The following SLC67A1 variants were observed in gnomAD, a reference collection of about 807,000 sequenced individuals.
SLC67A1 encodes solute carrier family 67 member 1.
the SLC67A1 span, chr11:2,921,935 T>C: frequency 3.0e-6 from 2 of 656,054 alleles, no homozygotes; most frequent in African/African-American, 1.8e-5. Context: ...GCTGGCGGAG[T>C]AGGGAGAGAC....
chr11:2,915,840 A>G, the SLC67A1 span, among the ~76,000 whole-genome samples: 1 of 152,220 alleles, frequency 6.6e-6, no homozygotes, highest in African/African-American at 2.4e-5. Context: ...CAATGGTGAC[A>G]GTTGGAACAG....
the SLC67A1 span, among the ~76,000 whole-genome samples, chr11:2,913,881 A>G: frequency 6.6e-6 from 1 of 152,194 alleles, no homozygotes; most frequent in Admixed American, 6.5e-5. Flanking sequence ...AGACTTCAGC[A>G]GAGGTTCCTG....
At chr11:2,918,227 G>A in the SLC67A1 span, 1 of 687,790 alleles carries the variant, frequency 1.5e-6, no homozygotes, top group Non-Finnish European at 2.5e-6. Context: ...GGAGCGGGAG[G>A]AAGGCAGAAA....
chr11:2,912,754 C>G, the SLC67A1 span, among the ~76,000 whole-genome samples: 1 of 152,168 alleles, frequency 6.6e-6, no homozygotes, highest in African/African-American at 2.4e-5. Flanking sequence ...TGGGGGGTGG[C>G]TCTGTGACTC....
the SLC67A1 span, chr11:2,914,816 C>G: frequency 1.1e-5 from 11 of 985,300 alleles, no homozygotes; most frequent in African/African-American, 1.9e-4. Flanking sequence ...ACGCAGGCCT[C>G]TGAGGCCAGG....
chr11:2,903,482 T>A, the SLC67A1 span: 26 of 1,613,200 alleles, frequency 1.6e-5, no homozygotes, highest in Non-Finnish European at 1.9e-5. Flanking sequence ...CAGTTCTCCA[T>A]CGTGCCAGTG....
chr11:2,920,200 AG>A, the SLC67A1 span: 2 of 152,314 alleles, frequency 1.3e-5, no homozygotes, highest in African/African-American at 2.4e-5. Flanking sequence ...CTCTGGGCCC[AG>A]GACTAGACTA....
the SLC67A1 span, among the ~76,000 whole-genome samples, chr11:2,924,310 G>A: frequency 0.097 from 14,778 of 152,240 alleles, 794 homozygotes; most frequent in Middle Eastern, 0.11. This position sits in a 1 kb window ranked among gnomAD's most constrained non-coding sequence, Gnocchi z 8.6. Context: ...GAGGGGCCCT[G>A]CATGGGCTTC....
chr11:2,909,670 C>T, the SLC67A1 span: 2 of 1,541,394 alleles, frequency 1.3e-6, no homozygotes, highest in Admixed American at 3.9e-5. Flanking sequence ...CGGAGTCATC[C>T]TCGGCTCCCT....
At chr11:2,914,205 G>C in the SLC67A1 span, among the ~76,000 whole-genome samples, 6 of 152,212 alleles carry the variant, frequency 3.9e-5, no homozygotes, top group Non-Finnish European at 8.8e-5. Flanking sequence ...AGGAGACAAA[G>C]ACAAATTAAC....
chr11:2,903,957 C>A, the SLC67A1 span, among the ~76,000 whole-genome samples: 2 of 152,182 alleles, frequency 1.3e-5, no homozygotes, highest in Non-Finnish European at 2.9e-5. Flanking sequence ...TGATCTGTGG[C>A]GGCAAATTGA....
the SLC67A1 span, chr11:2,919,253 G>A: frequency 1.5e-6 from 2 of 1,335,720 alleles, no homozygotes; most frequent in Admixed American, 3.4e-5. Flanking sequence ...AGGGAGGTGG[G>A]CGCCAAGGTC....
the SLC67A1 span, among the ~76,000 whole-genome samples, chr11:2,918,502 T>C: frequency 6.6e-6 from 1 of 152,160 alleles, no homozygotes; most frequent in Non-Finnish European, 1.5e-5. Flanking sequence ...ACAGATAGGA[T>C]AGCGAGCCAC....
the SLC67A1 span, chr11:2,921,202 C>A: frequency 1.1e-4 from 15 of 138,018 alleles, no homozygotes; most frequent in African/African-American, 3.3e-4. Context: ...CTGCAGTCCA[C>A]GCTGGGCGAC....
At chr11:2,916,247 A>G in the SLC67A1 span, 2 of 205,398 alleles carry the variant, frequency 9.7e-6, no homozygotes, top group African/African-American at 4.6e-5. Context: ...TCCCAGGGAC[A>G]TGCACACCAG....
chr11:2,913,511 G>A, the SLC67A1 span, among the ~76,000 whole-genome samples: 3 of 152,206 alleles, frequency 2.0e-5, no homozygotes, highest in African/African-American at 7.2e-5. Context: ...GGCCAGAGGG[G>A]CCTTTAGGAC....
chr11:2,903,176 C>A, the SLC67A1 span: 4 of 1,459,808 alleles, frequency 2.7e-6, no homozygotes, highest in African/African-American at 2.8e-5. Flanking sequence ...GAGAGCTCCA[C>A]TGGGGAGGGG....
chr11:2,917,675 C>T, the SLC67A1 span, among the ~76,000 whole-genome samples: 271 of 152,356 alleles, frequency 1.8e-3, 1 homozygote, highest in Non-Finnish European at 3.1e-3. Context: ...CAGGGACTGC[C>T]GCAGGCCTCC....
At chr11:2,908,154 C>G in the SLC67A1 span, 1 of 975,346 alleles carries the variant, frequency 1.0e-6, no homozygotes, top group African/African-American at 1.6e-5. Flanking sequence ...CCTCCCACCC[C>G]CTGCCCATCC....
Sources: gnomAD v4.1 joint callset for allele counts (sites outside exome capture counted in the v4.1 genomes callset) on GRCh38, gnomAD v4.1.1 for gene constraint, Gnocchi (gnomAD v3.1) non-coding constraint, MANE v1.5 for transcripts, NCBI Gene and HGNC (gene_info 2026-07-23, HGNC 2026-07-21) for gene names.